FGD4: variants seen among roughly 807,000 people sequenced by gnomAD.
The protein encoded by FGD4 is FYVE, RhoGEF and PH domain-containing protein 4.
FGD4 carries 42 observed loss-of-function variants against 102.0 expected under a neutral mutation model. The observed-to-expected ratio is 0.41, with a 90% CI of 0.32 to 0.53. The LOEUF (loss-of-function observed/expected upper bound fraction) is 0.53, where lower values mean the gene tolerates loss of function less well. FGD4 is among the 20% of genes least tolerant of loss of function. The pLI is 0.21. For synonymous variants in FGD4, 380 were observed against 375.7 expected (o/e 1.01, Z -0.13); for missense variants, 902 against 1,078.2 (o/e 0.84, Z 2.29).
chr12:32,640,633 T>TA lies in FGD4; in HGVS notation c.*101dup. 6.5e-7 allele frequency: 1 copy of TA among 1,528,982 alleles called. No homozygotes were observed. Among genetic ancestry groups the TA allele is most frequent in the African/African-American group, 1.4e-5 (1 of 73,174 alleles). The allele number at this position is 1,528,982 out of a possible 1,614,324, so 94.7% of individuals were successfully genotyped here. On this transcript the variant is annotated 3_prime_UTR_variant, in exon 17 of 17. Coordinates refer to ENST00000534526, the MANE Select transcript of FGD4 (RefSeq NM_001370298.3). The stretch of plus-strand genomic sequence containing the variant: ...TCTGCTAGCACTTTATGTTGAAAAA[T>TA]ATAGGCCCATAAATGCATCTTTTGA...
chr12:32,606,088 C>G (rs958664497), intron 7 of FGD4, among the ~76,000 whole-genome samples: 2 of 152,128 alleles, frequency 1.3e-5, no homozygotes, highest in Admixed American at 1.3e-4. Flanking sequence ...ATTATCTGAG[C>G]CACAGTTTCT....
At chr12:32,535,668 G>A (rs1942187783) in intron 1 of FGD4, among the ~76,000 whole-genome samples, 1 of 152,032 alleles carries the variant, frequency 6.6e-6, no homozygotes, top group South Asian at 2.1e-4. Context: ...GCAGCAAAAG[G>A]GAAGTGTTTT....
At position 32,599,698 on chromosome 12, in the gene FGD4, C is replaced by T. The variant is rs553505882; in HGVS notation, c.1101+1112C>T. ...GAGTAGCTGGAATTACAGGCATGCA[C>T]CACCCACGCCCGGCTAATTTTTTCT... On this transcript the variant is annotated intron_variant, in intron 5 of 16. Transcript: ENST00000534526. Among the ~76,000 whole-genome samples the T allele has an allele frequency of 2.0e-5, 3 of 150,324 alleles. No homozygotes were observed. The South Asian group carries it at 6.4e-4, about 32-fold the overall frequency.
In FGD4 at chr12:32,409,362, C is replaced by T. The variant is rs138082952; in HGVS notation, c.166+9403C>T. ...GGAGTGCAATGGTGCGATCTCCGCT[C>T]CCTGCAACCTCCGCCTCCCAGGTTC... On this transcript the variant is annotated intron_variant, in intron 1 of 16. Coordinates refer to ENST00000534526, the MANE Select transcript of FGD4 (RefSeq NM_001370298.3). 7.1e-3 allele frequency among the ~76,000 whole-genome samples: 1,065 copies of T among 149,288 alleles called. 9 individuals carry two copies. Among genetic ancestry groups the T allele is most frequent in the African/African-American group, 0.025 (1,014 of 40,590 alleles).
chr12:32,414,616 A>G (rs537309332), intron 1 of FGD4, among the ~76,000 whole-genome samples: 1 of 151,952 alleles, frequency 6.6e-6, no homozygotes, highest in Admixed American at 6.6e-5. Context: ...TCATTCTTCT[A>G]CTATCTCCAT....
intron 1 of FGD4, chr12:32,502,376 C>T (rs144277590): frequency 2.3e-5 from 23 of 980,258 alleles, no homozygotes; most frequent in East Asian, 1.1e-4. Flanking sequence ...GTTTGTAGTA[C>T]GTTTGTGTGG....
chr12:32,516,706 C>T (rs1000387242), intron 1 of FGD4, among the ~76,000 whole-genome samples: 2 of 152,142 alleles, frequency 1.3e-5, no homozygotes, highest in Non-Finnish European at 2.9e-5. Flanking sequence ...GAATAAATAT[C>T]TCAGGCATGG....
chr12:32,590,388 A>G (rs1947378545), intron 4 of FGD4, among the ~76,000 whole-genome samples: 1 of 151,600 alleles, frequency 6.6e-6, no homozygotes, highest in Non-Finnish European at 1.5e-5. Flanking sequence ...TCTCTTTTTA[A>G]TAATGTGAGC....
At chr12:32,526,516 C>A (rs577869117) in intron 1 of FGD4, among the ~76,000 whole-genome samples, 1 of 152,120 alleles carries the variant, frequency 6.6e-6, no homozygotes, top group African/African-American at 2.4e-5. Flanking sequence ...GGATTGTAAA[C>A]GCACCAATCA....
intron 1 of FGD4, among the ~76,000 whole-genome samples, chr12:32,537,540 T>A (rs1192426951): frequency 7.9e-5 from 12 of 152,154 alleles, no homozygotes; most frequent in Non-Finnish European, 1.5e-5. Flanking sequence ...AAATCCCCTG[T>A]TCTTTCAATG....
At chr12:32,620,520 CTTTTT>C (rs1233071153) in intron 11 of FGD4, among the ~76,000 whole-genome samples, 29 of 91,124 alleles carry the variant, frequency 3.2e-4, no homozygotes, top group South Asian at 8.3e-4. Flanking sequence ...TTTTTTCTTT[CTTTTT>C]TTTTTTTTTT....
chr12:32,421,052 C>A (rs1200433863), intron 1 of FGD4, among the ~76,000 whole-genome samples: 1 of 152,100 alleles, frequency 6.6e-6, no homozygotes, highest in East Asian at 1.9e-4. Context: ...AGCCACCATG[C>A]CCAACCAAAC....
chr12:32,590,377 C>G (rs1265968843), intron 4 of FGD4, among the ~76,000 whole-genome samples: 1 of 151,036 alleles, frequency 6.6e-6, no homozygotes, highest in African/African-American at 2.4e-5. Flanking sequence ...CTCTCTCTCT[C>G]TCTCTTTTTA....
chr12:32,608,735 T>C (rs183326716), intron 8 of FGD4, among the ~76,000 whole-genome samples: 36 of 152,314 alleles, frequency 2.4e-4, no homozygotes, highest in African/African-American at 8.7e-4. Flanking sequence ...ATTTAAGAAA[T>C]AACAGTGGCT....
chr12:32,522,995 C>G (rs1940710830), intron 1 of FGD4, among the ~76,000 whole-genome samples: 1 of 152,186 alleles, frequency 6.6e-6, no homozygotes, highest in Non-Finnish European at 1.5e-5. Flanking sequence ...TCAATCTTCC[C>G]TTCTTCAGTG....
At chr12:32,602,399 TAG>T (rs1300991914) in intron 7 of FGD4, 82 bp downstream of exon 7, 1 of 1,554,838 alleles carries the variant, frequency 6.4e-7, no homozygotes, top group Non-Finnish European at 8.8e-7. Context: ...AACTGAGATC[TAG>T]AGATCTGTCT....
chr12:32,538,027 C>G (rs971434824), intron 1 of FGD4, among the ~76,000 whole-genome samples: 5 of 152,248 alleles, frequency 3.3e-5, no homozygotes, highest in African/African-American at 1.2e-4. Context: ...TCCACAGTAG[C>G]CAGGACTTAC....
intron 1 of FGD4, among the ~76,000 whole-genome samples, chr12:32,527,798 C>G (rs1264332831): frequency 6.6e-6 from 1 of 152,042 alleles, no homozygotes; most frequent in African/African-American, 2.4e-5. Flanking sequence ...GTATTACCAA[C>G]TGAAATCCTT....
intron 1 of FGD4, among the ~76,000 whole-genome samples, chr12:32,410,321 C>T (rs537692444): frequency 6.7e-6 from 1 of 149,946 alleles, no homozygotes; most frequent in Non-Finnish European, 1.5e-5. Context: ...CAGCGAGATT[C>T]CGTCTCAAAA....
Sources: gnomAD v4.1 joint callset for allele counts (sites outside exome capture counted in the v4.1 genomes callset) on GRCh38, gnomAD v4.1.1 for gene constraint, MANE v1.5 for transcripts, NCBI Gene and HGNC (gene_info 2026-07-23, HGNC 2026-07-21) for gene names.